SSPN: variants seen among roughly 807,000 people sequenced by gnomAD.
The protein encoded by SSPN is K-ras oncogene-associated protein.
SSPN carries 15 observed loss-of-function variants against 19.1 expected under a neutral mutation model. The observed-to-expected ratio is 0.78, with a 90% CI of 0.52 to 1.21. The LOEUF is 1.21. Ranked by LOEUF, SSPN falls within the 50% of genes most tolerant of loss-of-function variation. The probability of loss-of-function intolerance (pLI) is 0.00; values close to 1 mark genes in which losing one functional copy is unlikely to be tolerated. For missense variants in SSPN, 291 were observed against 314.0 expected (o/e 0.93, Z 0.55); for synonymous variants, 147 against 140.3 (o/e 1.05, Z -0.34).
At chr12:26,123,780 T>A (rs773523168) in intron 1 of SSPN, 1 of 1,357,906 alleles carries the variant, frequency 7.4e-7, no homozygotes. Context: ...CTTGGTTACT[T>A]AAAAACACAC....
intron 1 of SSPN, among the ~76,000 whole-genome samples, chr12:26,137,436 ACGAATAC>A (rs1022588584): frequency 6.6e-6 from 1 of 151,936 alleles, no homozygotes; most frequent in African/African-American, 2.4e-5. Context: ...GTTAAGCTTT[ACGAATAC>A]CTGTTTGCCT....
At chr12:26,195,457 C>T (rs970401079), upstream of SSPN, 1 of 843,218 alleles carries the variant, frequency 1.2e-6, no homozygotes, top group Non-Finnish European at 1.6e-6. Context: ...GCGCTGCGTC[C>T]CGGCGCGTTG....
At chr12:26,173,987 C>T (rs2137435072) in intron 1 of SSPN, among the ~76,000 whole-genome samples, 1 of 152,230 alleles carries the variant, frequency 6.6e-6, no homozygotes, top group African/African-American at 2.4e-5. Context: ...CATGAGATTT[C>T]TATATTAAGT....
chr12:26,231,925 T>C lies in SSPN; in HGVS notation c.*849T>C, dbSNP rs1945237770. 2 of 985,156 alleles carry C rather than the reference T, an allele frequency of 2.0e-6. No homozygotes were observed. The highest frequency in any genetic ancestry group is 4.7e-5 in the South Asian group (1 of 21,286). The allele number at this position is 985,156 out of a possible 1,614,324, so 61.0% of individuals were successfully genotyped here. A position where few individuals can be genotyped will look rare whatever the true frequency, so the allele number is the denominator to read the frequency against. ...TAATGAGCTCTGACTGTACTTACGC[T>C]GCACTGTCGGTGTTAAGAGAAATTA... On this transcript the variant is annotated 3_prime_UTR_variant, in exon 3 of 3. Coordinates refer to ENST00000242729, the MANE Select transcript of SSPN (RefSeq NM_005086.5).
intron 1 of SSPN, among the ~76,000 whole-genome samples, chr12:26,133,491 C>G (rs541335792): frequency 3.1e-4 from 47 of 152,260 alleles, no homozygotes; most frequent in Non-Finnish European, 6.5e-4. Flanking sequence ...AAGATAAAAA[C>G]CACCCTAGAT....
chr12:26,215,729 G>T (rs573821589), intron 1 of SSPN, among the ~76,000 whole-genome samples: 2 of 152,286 alleles, frequency 1.3e-5, no homozygotes, highest in African/African-American at 4.8e-5. Flanking sequence ...ATAGCAGAAT[G>T]CCACATCACA....
At chr12:26,188,468 A>T (rs1944767867) in intron 1 of SSPN, among the ~76,000 whole-genome samples, 2 of 152,364 alleles carry the variant, frequency 1.3e-5, no homozygotes, top group African/African-American at 4.8e-5. Flanking sequence ...GAAGAGGATT[A>T]CTGGTCAAAA....
In SSPN at chr12:26,232,228, G is replaced by A; in HGVS notation, c.*1152G>A. ...ATCCTATTATTAATTCGTATGCTTA[G>A]TCAACCTAGGAAATCAAAATAATGT... is the stretch of plus-strand genomic sequence containing the variant. On this transcript the variant is annotated 3_prime_UTR_variant, in exon 3 of 3. Transcript: ENST00000242729. 1.0e-6 allele frequency: 1 copy of A among 985,408 alleles called. No individual in the cohort carries two copies. The allele number at this position is 985,408 out of a possible 1,614,324, so 61.0% of individuals were successfully genotyped here.
intron 1 of SSPN, among the ~76,000 whole-genome samples, chr12:26,220,831 G>A (rs1274997553): frequency 1.3e-5 from 2 of 152,008 alleles, no homozygotes; most frequent in African/African-American, 4.8e-5. Flanking sequence ...ACCTTAATCA[G>A]TCTTCAAAGC....
intron 1 of SSPN, among the ~76,000 whole-genome samples, chr12:26,212,628 C>T (rs150775367): frequency 1.5e-4 from 23 of 151,672 alleles, no homozygotes; most frequent in Non-Finnish European, 2.2e-4. Flanking sequence ...AGCTTTTCAT[C>T]GGCAACTTTT....
intron 1 of SSPN, among the ~76,000 whole-genome samples, chr12:26,224,060 C>T (rs1945151206): frequency 6.6e-6 from 1 of 152,082 alleles, no homozygotes; most frequent in Non-Finnish European, 1.5e-5. Flanking sequence ...TTGTATAGCA[C>T]CTGGCATATC....
intron 1 of SSPN, among the ~76,000 whole-genome samples, chr12:26,209,321 A>C (rs1166003640): frequency 6.6e-6 from 1 of 152,130 alleles, no homozygotes; most frequent in South Asian, 2.1e-4. Flanking sequence ...CAGTTCTTGA[A>C]TGCTTGGGAA....
intron 1 of SSPN, chr12:26,180,908 G>A (rs909166538): frequency 2.6e-5 from 4 of 152,200 alleles, no homozygotes; most frequent in Non-Finnish European, 4.4e-5. Context: ...GATAGCTCTG[G>A]AAAGGAAGAA....
intron 1 of SSPN, among the ~76,000 whole-genome samples, chr12:26,136,871 G>A (rs552939913): frequency 6.6e-6 from 1 of 152,292 alleles, no homozygotes; most frequent in East Asian, 1.9e-4. Context: ...CTGTCACATA[G>A]TTCCACATTT....
Position 26,195,641 on chromosome 12 carries a change from G to GGGGGGGCCCCC in SSPN, c.-32_-31insGGGGGGCCCCC. On this transcript the variant is annotated 5_prime_UTR_variant, in exon 1 of 3. Coordinates refer to ENST00000242729, the MANE Select transcript of SSPN (RefSeq NM_005086.5). ...CTCCAGGGCCCAGGGCGCCGCACACGCACCCACCCACCCACCCAGCCTCGC... is the reference window on the plus strand; with the variant it reads ...CTCCAGGGCCCAGGGCGCCGCACACGGGGGGGCCCCCCACCCACCCACCCACCCAGCCTCGC... 1 of 1,105,402 alleles carries GGGGGGGCCCCC rather than the reference G, an allele frequency of 9.0e-7. No homozygotes were observed. Among genetic ancestry groups the GGGGGGGCCCCC allele is most frequent in the Non-Finnish European group, 1.1e-6 (1 of 878,120 alleles). 68.5% of individuals were successfully genotyped at this position (1,105,402 alleles called of 1,614,324 possible).
chr12:26,215,318 G>T (rs1945035799), intron 1 of SSPN, among the ~76,000 whole-genome samples: 1 of 152,178 alleles, frequency 6.6e-6, no homozygotes, highest in Non-Finnish European at 1.5e-5. Context: ...TCTTTATACA[G>T]ATTCTGTAGG....
At chr12:26,187,281 G>A (rs1275318730) in intron 1 of SSPN, among the ~76,000 whole-genome samples, 3 of 152,246 alleles carry the variant, frequency 2.0e-5, no homozygotes, top group Non-Finnish European at 4.4e-5. Flanking sequence ...TGGTGTGGGT[G>A]AGGGATCTTT....
chr12:26,144,848 A>G (rs1312802200), intron 1 of SSPN, among the ~76,000 whole-genome samples: 2 of 152,194 alleles, frequency 1.3e-5, no homozygotes, highest in Non-Finnish European at 2.9e-5. Flanking sequence ...CTCTGATTAT[A>G]TTATTCGTAG....
chr12:26,149,789 A>G (rs1408028361), intron 1 of SSPN, among the ~76,000 whole-genome samples: 1 of 152,238 alleles, frequency 6.6e-6, no homozygotes, highest in Non-Finnish European at 1.5e-5. Flanking sequence ...ACCTTTTATT[A>G]TACAGTTAAC....
Sources: allele counts gnomAD v4.1 joint callset (sites outside exome capture counted in the v4.1 genomes callset), GRCh38; gene constraint gnomAD v4.1.1; transcripts MANE v1.5; gene names NCBI Gene and HGNC (gene_info 2026-07-23, HGNC 2026-07-21).